The following AK3 variants were observed in gnomAD, a reference collection of about 807,000 sequenced individuals.
AK3 encodes the protein adenylate kinase 3.
Under a neutral mutation model 23.7 loss-of-function variants are expected in AK3, and 27 were observed. The observed-to-expected ratio is 1.14, with a 90% CI of 0.84 to 1.57. The LOEUF (loss-of-function observed/expected upper bound fraction) is 1.57, where lower values mean the gene tolerates loss of function less well. AK3 is among the 40% of genes most tolerant of loss of function. AK3 has a pLI of 0.00. For missense variants in AK3, 406 were observed against 285.6 expected, an observed-to-expected ratio of 1.42 and a Z score of -3.04; for synonymous variants, 159 against 116.0, an observed-to-expected ratio of 1.37 and a Z score of -2.38.
At chr9:4,715,989 C>G (rs984839478) in intron 4 of AK3, among the ~76,000 whole-genome samples, 8 of 152,062 alleles carry the variant, frequency 5.3e-5, no homozygotes, top group Non-Finnish European at 7.4e-5. Flanking sequence ...GCTGGGGTTT[C>G]TGGCTGGTAG....
intron 4 of AK3, among the ~76,000 whole-genome samples, chr9:4,717,643 T>C (rs1841772365): frequency 6.6e-6 from 1 of 152,204 alleles, no homozygotes; most frequent in Admixed American, 6.5e-5. Context: ...CAATAGAAAT[T>C]GTACCTCGAG....
intron 1 of AK3, among the ~76,000 whole-genome samples, chr9:4,730,131 T>G (rs1563794367): frequency 6.6e-6 from 1 of 152,148 alleles, no homozygotes; most frequent in Non-Finnish European, 1.5e-5. Flanking sequence ...TAGGCAAATC[T>G]AAAGAGATGG....
chr9:4,734,702 C>T (rs1331539955), intron 1 of AK3, among the ~76,000 whole-genome samples: 1 of 152,170 alleles, frequency 6.6e-6, no homozygotes, highest in Non-Finnish European at 1.5e-5. Flanking sequence ...GTTATTTAAA[C>T]AAACTATGGT....
chr9:4,727,672 T>TAAAC (rs1169792811), intron 1 of AK3, among the ~76,000 whole-genome samples: 1 of 152,234 alleles, frequency 6.6e-6, no homozygotes, highest in Non-Finnish European at 1.5e-5. Context: ...CTCCAGTGTT[T>TAAAC]ACTGGAGCAG....
At position 4,740,819 on chromosome 9, in the gene AK3, G is replaced by A. The variant is rs1842411537; in HGVS notation, c.151+118C>T. Reference sequence around the variant, plus strand: ...GCAGCCCGAGGTCTCTGTCCCGGGCGGCGGGAGGGAAATGCCGCGCCCGCA... The same window carrying A: ...GCAGCCCGAGGTCTCTGTCCCGGGCAGCGGGAGGGAAATGCCGCGCCCGCA... On this transcript the variant is annotated intron_variant, in intron 1 of 4. Coordinates refer to ENST00000381809, the MANE Select transcript of AK3 (RefSeq NM_016282.4). The A allele has an allele frequency of 3.3e-6, 4 of 1,228,810 alleles. No homozygotes were observed. The East Asian group carries it at 9.5e-5, about 29-fold the overall frequency. 76.1% of individuals were successfully genotyped at this position (1,228,810 alleles called of 1,614,324 possible). A position where few individuals can be genotyped will look rare whatever the true frequency, so the allele number is the denominator to read the frequency against.
rs547040437 is a variant in AK3, at chr9:4,716,740, G to T, written c.563+1679C>A. On this transcript the variant is annotated intron_variant, in intron 4 of 4. Transcript: ENST00000381809. ...GAAGCCAGGAGTTTGAGTAGCCCGT[G>T]CAACATGGCAAGAGCCCCAGCTCTA... Among the ~76,000 whole-genome samples the T allele has an allele frequency of 1.6e-3, 238 of 152,234 alleles. 2 individuals are homozygous for T. The highest frequency in any genetic ancestry group is 5.2e-3 in the African/African-American group (216 of 41,538).
chr9:4,724,152 C>T (rs1242496089), intron 1 of AK3, among the ~76,000 whole-genome samples: 1 of 152,160 alleles, frequency 6.6e-6, no homozygotes, highest in Non-Finnish European at 1.5e-5. Context: ...ATGGAGAGCT[C>T]AGGACTCACT....
Position 4,711,443 on chromosome 9 carries a change from C to G in AK3, c.*1533G>C, listed in dbSNP as rs1841559407. The G allele has an allele frequency of 6.6e-6, 1 of 152,496 alleles. No homozygotes were observed. The highest frequency in any genetic ancestry group is 2.1e-4 in the South Asian group (1 of 4,826). The allele number at this position is 152,496 out of a possible 1,614,324, so 9.4% of individuals were successfully genotyped here. A position where few individuals can be genotyped will look rare whatever the true frequency, so the allele number is the denominator to read the frequency against. On this transcript the variant is annotated 3_prime_UTR_variant, in exon 5 of 5. Transcript: ENST00000381809. Reference sequence around the variant, plus strand: ...AAAGAATGAAGTGTTTCCTATATTTCTTTTAAAAAACCTTGGTTCATCTTG... The same window carrying G: ...AAAGAATGAAGTGTTTCCTATATTTGTTTTAAAAAACCTTGGTTCATCTTG...
At chr9:4,731,372 T>C (rs1050256558) in intron 1 of AK3, among the ~76,000 whole-genome samples, 9 of 152,194 alleles carry the variant, frequency 5.9e-5, no homozygotes, top group Admixed American at 1.3e-4. Context: ...ATGAGGTATT[T>C]GGTTTTCTTT....
chr9:4,722,757 G>A, intron 1 of AK3, 132 bp from the exon 2 acceptor site: 1 of 1,368,028 alleles, frequency 7.3e-7, no homozygotes, highest in South Asian at 1.4e-5. Context: ...CAACTTTTCT[G>A]ATAAAAACAA....
chr9:4,722,629 C>T lies in AK3; in HGVS notation c.152-4G>A, dbSNP rs1423498235. 6.2e-7 allele frequency: 1 copy of T among 1,614,128 alleles called. No individual in the cohort carries two copies. Among genetic ancestry groups the T allele is most frequent in the Non-Finnish European group, 8.5e-7 (1 of 1,179,996 alleles). ...GCCTTGGCTAACACGCCAATTTCTA[C>T]AGCAAAGCGGGGAAAAAAATCAGTA... On this transcript the variant is annotated splice_region_variant and splice_polypyrimidine_tract_variant and intron_variant, in intron 1 of 4. Transcript: ENST00000381809.
In AK3 at chr9:4,735,408, A is replaced by AAT. The variant is rs372866258; in HGVS notation, c.151+5527_151+5528dup. Among the ~76,000 whole-genome samples the AAT allele has an allele frequency of 9.3e-3, 719 of 77,248 alleles. 203 individuals are homozygous for AAT. The highest frequency in any genetic ancestry group is 0.041 in the African/African-American group (554 of 13,388). The allele number at this position is 77,248 out of a possible 152,430, so 50.7% of individuals were successfully genotyped here. A position where few individuals can be genotyped will look rare whatever the true frequency, so the allele number is the denominator to read the frequency against. ...ATATATAAATATATATACATATATA[A>AAT]ATATATATACATATATAAATATATA... On this transcript the variant is annotated intron_variant, in intron 1 of 4. Coordinates refer to ENST00000381809, the MANE Select transcript of AK3 (RefSeq NM_016282.4).
chr9:4,719,104 G>A, intron 3 of AK3, 31 bp downstream of exon 3: 2 of 1,610,770 alleles, frequency 1.2e-6, no homozygotes, highest in Non-Finnish European at 1.7e-6. Flanking sequence ...GGGACAGTCT[G>A]CTATGTGACA....
At chr9:4,728,067 G>A (rs906357072) in intron 1 of AK3, among the ~76,000 whole-genome samples, 3 of 152,144 alleles carry the variant, frequency 2.0e-5, no homozygotes, top group Non-Finnish European at 4.4e-5. Flanking sequence ...AAAGATCACT[G>A]ATCACAGATC....
chr9:4,735,288 T>TATAC (rs1842247873), intron 1 of AK3, among the ~76,000 whole-genome samples: 2 of 59,594 alleles, frequency 3.4e-5, no homozygotes, highest in African/African-American at 1.3e-4. Context: ...TATATACATA[T>TATAC]ATAAATATAT....
At chr9:4,726,333 A>G (rs1174091930) in intron 1 of AK3, among the ~76,000 whole-genome samples, 2 of 152,166 alleles carry the variant, frequency 1.3e-5, no homozygotes, top group Non-Finnish European at 2.9e-5. Flanking sequence ...GTGTGATAGT[A>G]TTTTATCCAC....
intron 1 of AK3, among the ~76,000 whole-genome samples, chr9:4,725,292 C>T (rs1841998537): frequency 6.6e-6 from 1 of 151,478 alleles, no homozygotes; most frequent in South Asian, 2.1e-4. Context: ...GCTGGGATTA[C>T]AGGTGTGAGC....
chr9:4,735,232 TATATACATATATAA>T (rs1842242878), intron 1 of AK3, among the ~76,000 whole-genome samples: 1 of 89,680 alleles, frequency 1.1e-5, no homozygotes, highest in East Asian at 2.7e-4. Flanking sequence ...CCCATATATA[TATATACATATATAA>T]ATATATATAT....
chr9:4,731,292 C>G (rs1372692564), intron 1 of AK3, among the ~76,000 whole-genome samples: 1 of 152,022 alleles, frequency 6.6e-6, no homozygotes, highest in African/African-American at 2.4e-5. Context: ...TCTGAAAGGC[C>G]CTAGTGTGAA....
Sources: gnomAD v4.1 joint callset for allele counts (sites outside exome capture counted in the v4.1 genomes callset) on GRCh38, gnomAD v4.1.1 for gene constraint, MANE v1.5 for transcripts, NCBI Gene and HGNC (gene_info 2026-07-23, HGNC 2026-07-21) for gene names.